Variants in TASP1 observed in about 807,000 individuals in gnomAD.
TASP1 encodes taspase 1.
A neutral mutation model predicts 56.6 loss-of-function variants in TASP1; 16 were observed. That is an observed-to-expected ratio of 0.28 (90% CI 0.19 to 0.43). The LOEUF (loss-of-function observed/expected upper bound fraction) is 0.43, where lower values mean the gene tolerates loss of function less well. Among genes scored for constraint, TASP1 ranks in the 20% least tolerant of loss-of-function variants. TASP1 has a pLI of 1.00. For synonymous variants in TASP1, 179 were observed against 184.2 expected (o/e 0.97, Z 0.23); for missense variants, 393 against 511.6 (o/e 0.77, Z 2.24).
intron 12 of TASP1, among the ~76,000 whole-genome samples, chr20:13,433,939 T>G (rs1229617011): frequency 1.3e-5 from 2 of 151,960 alleles, no homozygotes; most frequent in East Asian, 3.9e-4. Flanking sequence ...AAACTCCTAC[T>G]GCATGTAACA....
chr20:13,617,930 G>A (rs1297747573), intron 4 of TASP1, among the ~76,000 whole-genome samples: 1 of 152,056 alleles, frequency 6.6e-6, no homozygotes, highest in African/African-American at 2.4e-5. Flanking sequence ...AGGACTGGCA[G>A]GCCTTAGAAG....
chr20:13,454,771 G>A (rs772998663), intron 11 of TASP1, among the ~76,000 whole-genome samples: 7 of 152,120 alleles, frequency 4.6e-5, no homozygotes, highest in Non-Finnish European at 7.4e-5. Context: ...CTGAGGCTCT[G>A]AATTCCTTCC....
the TASP1 span, among the ~76,000 whole-genome samples, chr20:13,158,873 G>T: frequency 6.6e-6 from 1 of 152,180 alleles, no homozygotes; most frequent in South Asian, 2.1e-4. Context: ...TCCACGTCTG[G>T]TTCAAGAATT....
At chr20:13,270,766 T>C in the TASP1 span, 1 of 1,607,418 alleles carries the variant, frequency 6.2e-7, no homozygotes, top group Non-Finnish European at 8.5e-7. Flanking sequence ...ACCTGGAAGA[T>C]GGGAGATAAC....
intron 11 of TASP1, among the ~76,000 whole-genome samples, chr20:13,471,796 C>G (rs1327194549): frequency 6.6e-6 from 1 of 152,106 alleles, no homozygotes. Context: ...AACTGAGGAA[C>G]CTGGTTCATC....
At chr20:13,138,421 A>G in the TASP1 span, among the ~76,000 whole-genome samples, 6 of 152,082 alleles carry the variant, frequency 3.9e-5, no homozygotes, top group African/African-American at 1.4e-4. Flanking sequence ...CCCAGTCAGA[A>G]AATTATTCTT....
intron 13 of TASP1, among the ~76,000 whole-genome samples, chr20:13,396,957 C>A (rs895984135): frequency 1.3e-5 from 2 of 152,230 alleles, no homozygotes; most frequent in South Asian, 4.1e-4. Flanking sequence ...ACAGCATATT[C>A]TTCCAGCCTA....
intron 10 of TASP1, among the ~76,000 whole-genome samples, chr20:13,500,218 A>G (rs1194706559): frequency 6.7e-6 from 1 of 148,878 alleles, no homozygotes; most frequent in Non-Finnish European, 1.5e-5. Context: ...GTTTATATGT[A>G]TAAAGCATCT....
intron 7 of TASP1, among the ~76,000 whole-genome samples, chr20:13,561,877 A>AT (rs2046355051): frequency 7.7e-5 from 10 of 130,552 alleles, no homozygotes; most frequent in South Asian, 2.4e-4. Context: ...CATTGTAACC[A>AT]CAAAAAAAAA....
chr20:13,383,329 G>A, the TASP1 span, among the ~76,000 whole-genome samples: 979 of 152,296 alleles, frequency 6.4e-3, 12 homozygotes, highest in African/African-American at 0.023. Context: ...AGGTGGTAAG[G>A]AGCAGTTAGA....
At chr20:13,468,018 A>AAAAAACAAAAACAAAAAC (rs151335556) in intron 11 of TASP1, among the ~76,000 whole-genome samples, 2 of 151,636 alleles carry the variant, frequency 1.3e-5, no homozygotes, top group African/African-American at 4.9e-5. Flanking sequence ...CTCCATCTCA[A>AAAAAACAAAAACAAAAAC]AAAAACAAAA....
chr20:13,574,796 C>A (rs758758447), intron 6 of TASP1, among the ~76,000 whole-genome samples: 1 of 151,144 alleles, frequency 6.6e-6, no homozygotes, highest in Non-Finnish European at 1.5e-5. Flanking sequence ...CAAAATGAAA[C>A]AAAGAGAGAA....
chr20:13,459,299 T>G (rs932873175), intron 11 of TASP1, among the ~76,000 whole-genome samples: 7 of 152,134 alleles, frequency 4.6e-5, no homozygotes, highest in African/African-American at 1.7e-4. Flanking sequence ...TAACCACCCC[T>G]AACTGCACAG....
chr20:13,172,875 T>C, the TASP1 span, among the ~76,000 whole-genome samples: 893 of 152,190 alleles, frequency 5.9e-3, 9 homozygotes, highest in African/African-American at 0.021. Flanking sequence ...TGAAAAGAAA[T>C]TTTGGAATGA....
chr20:13,218,156 A>T, the TASP1 span, among the ~76,000 whole-genome samples: 24 of 151,908 alleles, frequency 1.6e-4, no homozygotes, highest in African/African-American at 5.8e-4. Context: ...TAAGCTGAGG[A>T]AGGAGAATTG....
chr20:13,417,659 T>A (rs2042302350), intron 12 of TASP1, 138 bp from the exon 13 acceptor site: 3 of 862,324 alleles, frequency 3.5e-6, no homozygotes, highest in South Asian at 3.8e-5. Context: ...TGTTCATAAA[T>A]GTCAAGATGA....
chr20:13,380,574 C>T, the TASP1 span, among the ~76,000 whole-genome samples: 30 of 152,198 alleles, frequency 2.0e-4, no homozygotes, highest in Non-Finnish European at 4.0e-4. Context: ...CTTGAGGAGG[C>T]AGTCTGTCCC....
intron 7 of TASP1, among the ~76,000 whole-genome samples, chr20:13,569,124 T>C (rs1345763235): frequency 6.6e-6 from 1 of 152,114 alleles, no homozygotes; most frequent in Non-Finnish European, 1.5e-5. Flanking sequence ...TTCCTTCCCT[T>C]GCATTTGTAT....
In TASP1 at chr20:13,417,959, C is replaced by G. The variant is rs548697565; in HGVS notation, c.1097-438G>C. On this transcript the variant is annotated intron_variant, in intron 12 of 13. Coordinates refer to ENST00000337743, the MANE Select transcript of TASP1 (RefSeq NM_017714.3). ...CGGAGTTTCACTCTTGTTGTCCAGGCTTGAGTGCAATGGCGCAATCCCAGC... is the reference window on the plus strand; with the variant it reads ...CGGAGTTTCACTCTTGTTGTCCAGGGTTGAGTGCAATGGCGCAATCCCAGC... 4.6e-5 allele frequency among the ~76,000 whole-genome samples: 7 copies of G among 152,324 alleles called. No homozygotes were observed. In the South Asian group the frequency reaches 1.2e-3, roughly 27 times the overall value.
Sources: allele counts gnomAD v4.1 joint callset (sites outside exome capture counted in the v4.1 genomes callset), GRCh38; gene constraint gnomAD v4.1.1; transcripts MANE v1.5; gene names NCBI Gene and HGNC (gene_info 2026-07-23, HGNC 2026-07-21).